The following SUCLG2 variants were observed in gnomAD, a reference collection of about 807,000 sequenced individuals.
SUCLG2 encodes the protein succinate--CoA ligase [GDP-forming] subunit beta, mitochondrial.
A neutral mutation model predicts 47.9 loss-of-function variants in SUCLG2; 42 were observed. The ratio of observed to expected loss-of-function variants is 0.88; its 90% CI spans 0.69 to 1.14. The LOEUF (loss-of-function observed/expected upper bound fraction) is 1.14. Among genes scored for constraint, SUCLG2 ranks in the 50% most tolerant of loss-of-function variants. The probability of loss-of-function intolerance (pLI) is 0.00; values close to 1 mark genes in which losing one functional copy is unlikely to be tolerated. For missense variants in SUCLG2, 571 were observed against 525.9 expected (o/e 1.09, Z -0.84); for synonymous variants, 195 against 197.3 (o/e 0.99, Z 0.10).
intron 10 of SUCLG2, among the ~76,000 whole-genome samples, chr3:67,389,404 T>C (rs887941945): frequency 2.6e-5 from 4 of 152,136 alleles, no homozygotes; most frequent in Admixed American, 1.3e-4. Flanking sequence ...GGAGAAGTTA[T>C]GGTCATTTTA....
At position 67,508,915 on chromosome 3, in the gene SUCLG2, C is replaced by G; in HGVS notation, c.661-12G>C. ...ATTTGATCTGCAGCCTAAATGTGAT[C>G]AAGTGAAATAGAATTACACCAAAGC... On this transcript the variant is annotated splice_polypyrimidine_tract_variant and intron_variant, in intron 6 of 10. Transcript: ENST00000307227. 2 of 1,572,458 alleles carry G rather than the reference C, an allele frequency of 1.3e-6. No homozygotes were observed. Among genetic ancestry groups the G allele is most frequent in the Non-Finnish European group, 1.7e-6 (2 of 1,159,234 alleles).
intron 2 of SUCLG2, among the ~76,000 whole-genome samples, chr3:67,578,917 T>C (rs1707813632): frequency 6.6e-6 from 1 of 151,794 alleles, no homozygotes; most frequent in Non-Finnish European, 1.5e-5. Flanking sequence ...CCAAGGGAGG[T>C]TGGGGTGACC....
chr3:67,613,088 C>G (rs1240011746), intron 1 of SUCLG2, among the ~76,000 whole-genome samples: 1 of 152,184 alleles, frequency 6.6e-6, no homozygotes, highest in African/African-American at 2.4e-5. Flanking sequence ...ACTCTCCAAA[C>G]CTTGTCCTCT....
At chr3:67,515,142 T>C (rs989473406) in intron 6 of SUCLG2, among the ~76,000 whole-genome samples, 12 of 152,222 alleles carry the variant, frequency 7.9e-5, no homozygotes, top group Non-Finnish European at 1.6e-4. Context: ...AAAGAGACCA[T>C]ATTCACATCA....
intron 2 of SUCLG2, among the ~76,000 whole-genome samples, chr3:67,546,974 C>T (rs1284363717): frequency 6.6e-6 from 1 of 152,188 alleles, no homozygotes; most frequent in Non-Finnish European, 1.5e-5. Context: ...TCTATTCCTC[C>T]TATCCACACA....
chr3:67,627,087 T>C (rs1180533578), intron 1 of SUCLG2, among the ~76,000 whole-genome samples: 3 of 152,002 alleles, frequency 2.0e-5, no homozygotes, highest in Non-Finnish European at 2.9e-5. Context: ...GAGCTTGAAA[T>C]TGAAGATGGG....
chr3:67,504,475 T>C (rs186927574), intron 7 of SUCLG2, among the ~76,000 whole-genome samples: 9 of 152,324 alleles, frequency 5.9e-5, no homozygotes, highest in Admixed American at 2.0e-4. Context: ...AGCCAGATAG[T>C]CACTGCTTCA....
At chr3:67,652,981 C>T (rs773858352) in intron 1 of SUCLG2, among the ~76,000 whole-genome samples, 14 of 152,312 alleles carry the variant, frequency 9.2e-5, no homozygotes, top group South Asian at 8.3e-4. Flanking sequence ...CCAGATGGGG[C>T]GTGCTAACAG....
chr3:67,601,844 T>C (rs1271822863), intron 2 of SUCLG2, among the ~76,000 whole-genome samples: 3 of 151,996 alleles, frequency 2.0e-5, no homozygotes, highest in Non-Finnish European at 2.9e-5. Context: ...TAGCTGGGCA[T>C]GGTGGTGCAC....
chr3:67,400,056 C>T (rs1702648133), intron 10 of SUCLG2, among the ~76,000 whole-genome samples: 1 of 151,974 alleles, frequency 6.6e-6, no homozygotes, highest in Non-Finnish European at 1.5e-5. Context: ...AAAACTACTC[C>T]CATTTTGAAA....
At chr3:67,409,282 G>A (rs1401147425) in intron 9 of SUCLG2, among the ~76,000 whole-genome samples, 1 of 152,128 alleles carries the variant, frequency 6.6e-6, no homozygotes, top group Non-Finnish European at 1.5e-5. Flanking sequence ...TCTCTCTGCA[G>A]ACTGATAGCT....
chr3:67,383,504 C>T (rs150049892), intron 10 of SUCLG2, among the ~76,000 whole-genome samples: 427 of 152,302 alleles, frequency 2.8e-3, no homozygotes, highest in African/African-American at 9.6e-3. Flanking sequence ...CACACCTAAT[C>T]TCCTCGATGA....
chr3:67,528,237 A>T lies in SUCLG2; in HGVS notation c.327-15T>A, dbSNP rs1559559064. ...CAACATTAGGGCTAAGAGAAAGAGA[A>T]AACAAGCAGAAAATGAATGTTTGTT... On this transcript the variant is annotated splice_polypyrimidine_tract_variant and intron_variant, in intron 3 of 10. Coordinates refer to ENST00000307227, the MANE Select transcript of SUCLG2 (RefSeq NM_003848.4). The T allele has an allele frequency of 6.2e-7, 1 of 1,608,024 alleles. No homozygotes were observed. Among genetic ancestry groups the T allele is most frequent in the Non-Finnish European group, 8.5e-7 (1 of 1,174,724 alleles).
At chr3:67,586,306 C>G (rs1414041400) in intron 2 of SUCLG2, among the ~76,000 whole-genome samples, 3 of 152,182 alleles carry the variant, frequency 2.0e-5, no homozygotes, top group Non-Finnish European at 4.4e-5. Context: ...GTGAATAGTA[C>G]CAGTTAACCT....
intron 10 of SUCLG2, among the ~76,000 whole-genome samples, chr3:67,362,830 C>T (rs182519157): frequency 6.6e-5 from 10 of 152,152 alleles, no homozygotes; most frequent in Non-Finnish European, 1.2e-4. Flanking sequence ...CCCTCTCCCC[C>T]ACAGGAAGCC....
Position 67,390,986 on chromosome 3 carries a change from G to C in SUCLG2, c.1183+9745C>G, listed in dbSNP as rs190648892. On this transcript the variant is annotated intron_variant, in intron 10 of 10. Transcript: ENST00000307227. The stretch of plus-strand genomic sequence containing the variant: ...GGTGTTCATTATGACTCCAAGTTGA[G>C]CTCTTAATATATTAATAATAAACCT... Among the ~76,000 whole-genome samples the C allele has an allele frequency of 1.1e-3, 167 of 152,240 alleles. 1 individual carries two copies. The highest frequency in any genetic ancestry group is 3.8e-3 in the African/African-American group (158 of 41,530).
intron 1 of SUCLG2, among the ~76,000 whole-genome samples, chr3:67,616,423 T>A (rs2122477): frequency 6.6e-6 from 1 of 151,924 alleles, no homozygotes; most frequent in Non-Finnish European, 1.5e-5. Flanking sequence ...ATAATGTGTA[T>A]CTTCTAAGGA....
chr3:67,368,986 C>T (rs1033781323), intron 10 of SUCLG2, among the ~76,000 whole-genome samples: 7 of 152,100 alleles, frequency 4.6e-5, no homozygotes, highest in African/African-American at 2.4e-5. Context: ...GTTTCTCAAC[C>T]TTGACACTAT....
At chr3:67,616,376 G>T (rs1207081316) in intron 1 of SUCLG2, among the ~76,000 whole-genome samples, 1 of 152,104 alleles carries the variant, frequency 6.6e-6, no homozygotes, top group Non-Finnish European at 1.5e-5. Flanking sequence ...TACAGCAGAA[G>T]AACATATATT....
Sources: allele counts gnomAD v4.1 joint callset (sites outside exome capture counted in the v4.1 genomes callset), GRCh38; gene constraint gnomAD v4.1.1; transcripts MANE v1.5; gene names NCBI Gene and HGNC (gene_info 2026-07-23, HGNC 2026-07-21).